Variants in TLN2 observed in about 807,000 individuals in gnomAD.
The protein encoded by TLN2 is talin 2, also known as talin-2.
A neutral mutation model predicts 294.7 loss-of-function variants in TLN2; 118 were observed. The observed-to-expected ratio is 0.40, with a 90% CI of 0.34 to 0.47. The LOEUF is 0.47. Among genes scored for constraint, TLN2 ranks in the 20% least tolerant of loss-of-function variants. The pLI is 0.84. For missense variants in TLN2, 3,083 were observed against 3,282.2 expected (o/e 0.94, Z 1.48); for synonymous variants, 1,431 against 1,304.5 (o/e 1.10, Z -2.09).
chr15:62,548,213 G>T (rs2042102474), intron 1 of TLN2, among the ~76,000 whole-genome samples: 1 of 152,192 alleles, frequency 6.6e-6, no homozygotes, highest in African/African-American at 2.4e-5. Flanking sequence ...TTGAAAAATG[G>T]AGAGAGCAAG....
chr15:62,765,278 T>C (rs1447431663), intron 40 of TLN2, among the ~76,000 whole-genome samples: 1 of 152,040 alleles, frequency 6.6e-6, no homozygotes, highest in African/African-American at 2.4e-5. Context: ...TGGAAGTTTC[T>C]CTCTGCCTGC....
At chr15:62,411,820 A>G (rs1238816607) in intron 1 of TLN2, among the ~76,000 whole-genome samples, 1 of 152,154 alleles carries the variant, frequency 6.6e-6, no homozygotes, top group Non-Finnish European at 1.5e-5. Flanking sequence ...AGCAGGGGCT[A>G]GGCTGTTAGA....
At chr15:62,532,275 T>G (rs1049029728) in intron 1 of TLN2, among the ~76,000 whole-genome samples, 15 of 152,154 alleles carry the variant, frequency 9.9e-5, no homozygotes, top group African/African-American at 3.4e-4. Flanking sequence ...GTTTGTTTTT[T>G]TAGTAGAGAC....
intron 9 of TLN2, among the ~76,000 whole-genome samples, chr15:62,667,869 T>G (rs1469503808): frequency 1.3e-5 from 2 of 152,208 alleles, no homozygotes; most frequent in Non-Finnish European, 2.9e-5. Context: ...TATTTAGCCT[T>G]AACAGTGAAG....
intron 15 of TLN2, 77 bp downstream of exon 15, chr15:62,697,945 T>C (rs534030279): frequency 2.1e-5 from 32 of 1,521,928 alleles, no homozygotes; most frequent in Non-Finnish European, 2.8e-5. Context: ...GCGGCGGTGA[T>C]GGGCTGAGTG....
At chr15:62,402,979 C>G (rs78384378) in intron 1 of TLN2, among the ~76,000 whole-genome samples, 12 of 152,156 alleles carry the variant, frequency 7.9e-5, no homozygotes, top group African/African-American at 2.9e-4. Flanking sequence ...TGGTCCCTCA[C>G]GCGTAATCCC....
At chr15:62,511,752 A>G (rs1407707789) in intron 1 of TLN2, among the ~76,000 whole-genome samples, 2 of 152,146 alleles carry the variant, frequency 1.3e-5, no homozygotes, top group East Asian at 1.9e-4. Context: ...GGTATATCTA[A>G]CTCAGGATGA....
intron 1 of TLN2, among the ~76,000 whole-genome samples, chr15:62,552,015 A>G (rs1321015281): frequency 6.6e-6 from 1 of 152,216 alleles, no homozygotes; most frequent in Non-Finnish European, 1.5e-5. Flanking sequence ...CAGTTAGCCC[A>G]GTTAATCTTG....
chr15:62,409,965 C>T (rs949370742), intron 1 of TLN2, among the ~76,000 whole-genome samples: 3 of 152,140 alleles, frequency 2.0e-5, no homozygotes, highest in South Asian at 2.1e-4. Context: ...GAGCTAGGTC[C>T]GGGTGCAGTG....
At chr15:62,706,130 G>C (rs544710739) in intron 19 of TLN2, among the ~76,000 whole-genome samples, 2 of 152,236 alleles carry the variant, frequency 1.3e-5, no homozygotes, top group Admixed American at 1.3e-4. Flanking sequence ...AAAGACTTCT[G>C]ACCGTATTTC....
chr15:62,578,628 A>C lies in TLN2; in HGVS notation c.-237-11059A>C, dbSNP rs543969358. 2.0e-5 allele frequency among the ~76,000 whole-genome samples: 3 copies of C among 152,212 alleles called. No homozygotes were observed. In the East Asian group the frequency reaches 5.8e-4, roughly 29 times the overall value. On this transcript the variant is annotated intron_variant, in intron 1 of 58. Transcript: ENST00000636159. ...CCACTTCATGAAAATGCTTTAAAGA[A>C]ATACAGGAAAGGTGTGAATCCCCAT...
At chr15:62,803,804 A>C (rs2066089296) in intron 50 of TLN2, among the ~76,000 whole-genome samples, 1 of 152,022 alleles carries the variant, frequency 6.6e-6, no homozygotes, top group African/African-American at 2.4e-5. Flanking sequence ...CTGGTAACTT[A>C]TTTAGTTGGT....
chr15:62,616,541 G>A (rs1040406585), intron 2 of TLN2, among the ~76,000 whole-genome samples: 2 of 152,210 alleles, frequency 1.3e-5, no homozygotes. Flanking sequence ...TGATCCTTCT[G>A]CCTCAGCCTC....
At chr15:62,798,920 T>C (rs2065723292) in intron 48 of TLN2, among the ~76,000 whole-genome samples, 1 of 152,194 alleles carries the variant, frequency 6.6e-6, no homozygotes, top group Admixed American at 6.5e-5. Flanking sequence ...CTACAGGTGG[T>C]GGGTGCCTGT....
chr15:62,778,610 G>A (rs1323840490), intron 43 of TLN2, among the ~76,000 whole-genome samples: 12 of 152,220 alleles, frequency 7.9e-5, no homozygotes, highest in Admixed American at 7.9e-4. Context: ...GATGGGCTGT[G>A]GACAGAGAGA....
chr15:62,763,761 C>A, intron 40 of TLN2, 66 bp downstream of exon 40: 1 of 1,484,420 alleles, frequency 6.7e-7, no homozygotes, highest in Non-Finnish European at 9.0e-7. Context: ...TAGCATCAGA[C>A]TTGGAGGGGT....
chr15:62,794,226 G>C (rs371350331), intron 46 of TLN2, among the ~76,000 whole-genome samples: 12 of 152,308 alleles, frequency 7.9e-5, no homozygotes, highest in African/African-American at 2.9e-4. Flanking sequence ...TAGGACACCT[G>C]GAGGGACCAC....
Position 62,456,162 on chromosome 15 carries a change from C to T in TLN2, c.-238+65477C>T, listed in dbSNP as rs180675102. Among the ~76,000 whole-genome samples the T allele has an allele frequency of 6.6e-5, 10 of 152,268 alleles. No individual in the cohort carries two copies. The East Asian group carries it at 1.9e-3, about 29-fold the overall frequency. On this transcript the variant is annotated intron_variant, in intron 1 of 58. Transcript: ENST00000636159. ...GTCCGGGGAGTACCTGCTGCTTCTC[C>T]AGCCTTCCTTTTCCAAGGGCCTCTT... is the stretch of plus-strand genomic sequence containing the variant.
intron 12 of TLN2, among the ~76,000 whole-genome samples, chr15:62,691,972 C>G (rs753303571): frequency 3.3e-5 from 5 of 152,182 alleles, no homozygotes; most frequent in Admixed American, 2.0e-4. Flanking sequence ...TGTGCCCAGC[C>G]CATTGGGAGA....
Sources: allele counts gnomAD v4.1 joint callset (sites outside exome capture counted in the v4.1 genomes callset), GRCh38; gene constraint gnomAD v4.1.1; transcripts MANE v1.5; gene names NCBI Gene and HGNC (gene_info 2026-07-23, HGNC 2026-07-21).